The following PKIA variants were observed in gnomAD, a reference collection of about 807,000 sequenced individuals.
The protein encoded by PKIA is PKI-alpha.
Under a neutral mutation model 7.6 loss-of-function variants are expected in PKIA, and 4 were observed. The ratio of observed to expected loss-of-function variants is 0.52; its 90% CI spans 0.26 to 1.20. The LOEUF is 1.20. PKIA is among the 50% of genes most tolerant of loss of function. PKIA has a pLI of 0.13. For synonymous variants in PKIA, 21 were observed against 30.7 expected (o/e 0.68, Z 1.04); for missense variants, 73 against 86.2 (o/e 0.85, Z 0.61).
At chr8:78,586,651 A>C (rs887919468) in intron 2 of PKIA, among the ~76,000 whole-genome samples, 1 of 151,998 alleles carries the variant, frequency 6.6e-6, no homozygotes, top group Non-Finnish European at 1.5e-5. Context: ...TACTGTTGAG[A>C]TATCAATAGA....
chr8:78,596,836 CTT>C (rs1808236600), intron 2 of PKIA, among the ~76,000 whole-genome samples: 1 of 152,212 alleles, frequency 6.6e-6, no homozygotes, highest in Non-Finnish European at 1.5e-5. Flanking sequence ...TTGAAATTGA[CTT>C]AGTCCTTGAG....
At chr8:78,550,908 C>T (rs1364184585) in intron 1 of PKIA, among the ~76,000 whole-genome samples, 9 of 151,920 alleles carry the variant, frequency 5.9e-5, no homozygotes, top group African/African-American at 1.2e-4. Context: ...TGAGAACATA[C>T]GATGTTTGGT....
chr8:78,547,158 G>A (rs948560366), intron 1 of PKIA, among the ~76,000 whole-genome samples: 1 of 152,054 alleles, frequency 6.6e-6, no homozygotes, highest in Non-Finnish European at 1.5e-5. Flanking sequence ...CGCCAGGCTG[G>A]AGTGCAATGG....
chr8:78,598,977 G>C (rs1390724634), intron 3 of PKIA, among the ~76,000 whole-genome samples: 1 of 151,972 alleles, frequency 6.6e-6, no homozygotes, highest in Non-Finnish European at 1.5e-5. Flanking sequence ...GTAAAAAAGA[G>C]TCTCCAGGGC....
At chr8:78,586,104 C>T (rs573401302) in intron 2 of PKIA, among the ~76,000 whole-genome samples, 1 of 152,254 alleles carries the variant, frequency 6.6e-6, no homozygotes, top group African/African-American at 2.4e-5. Flanking sequence ...CCCTTATTCT[C>T]AGGGCCTACC....
At chr8:78,526,753 G>C in intron 1 of PKIA, among the ~76,000 whole-genome samples, 1 of 150,754 alleles carries the variant, frequency 6.6e-6, no homozygotes, top group Non-Finnish European at 1.5e-5. Flanking sequence ...GTGATGAATA[G>C]CAAAACTGTT....
rs144539862 is a variant in PKIA at position 78,592,660 on chromosome 8, A to C, written c.-27-5698A>C. Among the ~76,000 whole-genome samples the C allele has an allele frequency of 4.1e-3, 621 of 152,294 alleles. 4 individuals are homozygous for C. Among genetic ancestry groups the C allele is most frequent in the African/African-American group, 0.014 (596 of 41,562 alleles). On this transcript the variant is annotated intron_variant, in intron 2 of 3. Transcript: ENST00000396418. ...TCATTACTTGGGAGTGCACTAAATGAAAATTCAAAGTAAGTTGTTGCTTAC... is the reference window on the plus strand; with the variant it reads ...TCATTACTTGGGAGTGCACTAAATGCAAATTCAAAGTAAGTTGTTGCTTAC...
intron 2 of PKIA, among the ~76,000 whole-genome samples, chr8:78,598,054 A>G (rs1207008635): frequency 6.7e-6 from 1 of 148,764 alleles, no homozygotes; most frequent in Admixed American, 6.7e-5. Context: ...ATTATGTAAA[A>G]ATACATAATA....
chr8:78,587,497 CT>C (rs1401238250), intron 2 of PKIA, among the ~76,000 whole-genome samples: 113 of 152,296 alleles, frequency 7.4e-4, no homozygotes, highest in African/African-American at 2.3e-3. Context: ...AGCAGTACTT[CT>C]GCAGCTAATT....
At chr8:78,584,764 A>ATTTAAATTTAGAAATTAATTTTAAT (rs1807909091) in intron 2 of PKIA, among the ~76,000 whole-genome samples, 1 of 152,140 alleles carries the variant, frequency 6.6e-6, no homozygotes, top group Non-Finnish European at 1.5e-5. Context: ...CTTTTCTAAA[A>ATTTAAATTTAGAAATTAATTTTAAT]TTTAGAGTGC....
intron 3 of PKIA, 103 bp downstream of exon 3, chr8:78,598,638 G>T (rs1808283419): frequency 2.3e-6 from 2 of 884,732 alleles, no homozygotes; most frequent in Non-Finnish European, 1.8e-6. Context: ...GTAATCTAAT[G>T]TAAAGAGTTT....
intron 1 of PKIA, among the ~76,000 whole-genome samples, chr8:78,517,038 T>C (rs1809329868): frequency 6.6e-6 from 1 of 152,196 alleles, no homozygotes; most frequent in Admixed American, 6.5e-5. Context: ...GCACTTGACA[T>C]CGCTTCTTCC....
intron 2 of PKIA, among the ~76,000 whole-genome samples, chr8:78,573,815 A>G (rs6980867): frequency 0.26 from 40,100 of 151,716 alleles, 6,646 homozygotes; most frequent in African/African-American, 0.47. Context: ...CACATAAAAT[A>G]TGGGCCATAA....
chr8:78,531,809 G>A (rs770752221), intron 1 of PKIA, among the ~76,000 whole-genome samples: 3 of 152,042 alleles, frequency 2.0e-5, no homozygotes, highest in Non-Finnish European at 4.4e-5. Context: ...AAGAAGGCAG[G>A]AGAGATGGCA....
chr8:78,546,898 A>C (rs1271972577), intron 1 of PKIA, among the ~76,000 whole-genome samples: 1 of 152,194 alleles, frequency 6.6e-6, no homozygotes, highest in African/African-American at 2.4e-5. Context: ...ATTTCTACAT[A>C]AAAATCCAAG....
At chr8:78,564,806 T>G (rs913985484) in intron 1 of PKIA, among the ~76,000 whole-genome samples, 6 of 151,912 alleles carry the variant, frequency 3.9e-5, no homozygotes, top group Admixed American at 1.3e-4. Context: ...AAATTATAAT[T>G]ATGAGACTAT....
At chr8:78,559,009 C>T (rs551090025) in intron 1 of PKIA, among the ~76,000 whole-genome samples, 1 of 152,280 alleles carries the variant, frequency 6.6e-6, no homozygotes, top group East Asian at 1.9e-4. Flanking sequence ...GCAACCTCCG[C>T]CTCCTGGGTT....
chr8:78,571,020 G>T (rs1807534382), intron 1 of PKIA, among the ~76,000 whole-genome samples: 1 of 151,974 alleles, frequency 6.6e-6, no homozygotes, highest in Non-Finnish European at 1.5e-5. Flanking sequence ...GTAAATTCTT[G>T]ATGCTAAGAT....
rs1563597332 is a variant in PKIA, at chr8:78,602,524, G to A, written c.*703G>A. The A allele has an allele frequency of 6.6e-6, 1 of 152,112 alleles. No homozygotes were observed. The highest frequency in any genetic ancestry group is 2.4e-5 in the African/African-American group (1 of 41,288). 9.4% of individuals were successfully genotyped at this position (152,112 alleles called of 1,614,324 possible). ...CCCCTTGCTCATTGTATGTTGATGA[G>A]TTGATTAAGTCTAACAGATTCATCA... is the stretch of plus-strand genomic sequence containing the variant. On this transcript the variant is annotated 3_prime_UTR_variant, in exon 4 of 4. Transcript: ENST00000396418.
Sources: gnomAD v4.1 joint callset for allele counts (sites outside exome capture counted in the v4.1 genomes callset) on GRCh38, gnomAD v4.1.1 for gene constraint, MANE v1.5 for transcripts, NCBI Gene and HGNC (gene_info 2026-07-23, HGNC 2026-07-21) for gene names.